The following UBE3D variants were observed in gnomAD, a reference collection of about 807,000 sequenced individuals.
UBE3D encodes the protein E3 ubiquitin-protein ligase E3D.
A neutral mutation model predicts 49.6 loss-of-function variants in UBE3D; 48 were observed. The observed-to-expected ratio is 0.97, with a 90% CI of 0.77 to 1.23. UBE3D has a LOEUF of 1.23. Among genes scored for constraint, UBE3D ranks in the 50% most tolerant of loss-of-function variants. UBE3D has a pLI of 0.00. For synonymous variants in UBE3D, 189 were observed against 174.2 expected, an observed-to-expected ratio of 1.08 and a Z score of -0.67; for missense variants, 452 against 468.4, an observed-to-expected ratio of 0.96 and a Z score of 0.32.
chr6:82,958,649 G>C (rs1776334676), intron 8 of UBE3D, among the ~76,000 whole-genome samples: 1 of 152,198 alleles, frequency 6.6e-6, no homozygotes, highest in Admixed American at 6.5e-5. Context: ...CAACTAGTTG[G>C]ACTGGAATAA....
At chr6:82,990,478 A>C (rs890684605) in intron 8 of UBE3D, among the ~76,000 whole-genome samples, 1 of 151,986 alleles carries the variant, frequency 6.6e-6, no homozygotes, top group African/African-American at 2.4e-5. Context: ...CGGTTTCACC[A>C]TGTTGGACAG....
chr6:83,065,721 CA>C lies in UBE3D; in HGVS notation c.-4del, dbSNP rs777020213. ...GTCTCCGCCGCAGAAGCCGCCATGG[CA>C]GGCTTCCAGTCCCAGACCGGACCAA... On this transcript the variant is annotated 5_prime_UTR_variant, in exon 1 of 10. Coordinates refer to ENST00000369747, the MANE Select transcript of UBE3D (RefSeq NM_198920.3). 21 of 1,609,978 alleles carry C rather than the reference CA, an allele frequency of 1.3e-5. No homozygotes were observed. The East Asian group carries it at 4.3e-4, about 33-fold the overall frequency.
At chr6:82,942,134 T>C (rs993117375) in intron 9 of UBE3D, among the ~76,000 whole-genome samples, 1 of 152,128 alleles carries the variant, frequency 6.6e-6, no homozygotes, top group Admixed American at 6.5e-5. Flanking sequence ...GATAGTGATA[T>C]GAAGAATGAA....
intron 1 of UBE3D, chr6:83,063,075 T>C: frequency 5.2e-6 from 1 of 191,582 alleles, no homozygotes; most frequent in Non-Finnish European, 1.1e-5. Context: ...AACGATAGAG[T>C]GGACTTCATT....
chr6:82,913,928 G>T (rs1772717398), intron 9 of UBE3D, among the ~76,000 whole-genome samples: 1 of 152,190 alleles, frequency 6.6e-6, no homozygotes, highest in Admixed American at 6.5e-5. Context: ...AACAGCATAT[G>T]GTTGGTCATA....
At chr6:82,917,262 A>T (rs900593660) in intron 9 of UBE3D, among the ~76,000 whole-genome samples, 2 of 152,188 alleles carry the variant, frequency 1.3e-5, no homozygotes, top group African/African-American at 4.8e-5. Flanking sequence ...AGACTAGCGC[A>T]AATGTTAGGA....
intron 5 of UBE3D, among the ~76,000 whole-genome samples, chr6:83,032,702 G>T (rs895986368): frequency 1.3e-5 from 2 of 152,096 alleles, no homozygotes; most frequent in South Asian, 2.1e-4. Flanking sequence ...ATCTTGAATT[G>T]TTGCTCCCAT....
Position 82,892,882 on chromosome 6 carries a change from TA to T in UBE3D, c.*139del. The stretch of plus-strand genomic sequence containing the variant: ...GAGAATACATGCAAACAAGTAAACT[TA>T]AAACTTCAATGCAATGCTCTTATCC... On this transcript the variant is annotated 3_prime_UTR_variant, in exon 10 of 10. Transcript: ENST00000369747. The T allele has an allele frequency of 9.8e-7, 1 of 1,019,534 alleles. No homozygotes were observed. The highest frequency in any genetic ancestry group is 1.5e-6 in the Non-Finnish European group (1 of 654,770). The allele number at this position is 1,019,534 out of a possible 1,614,324, so 63.2% of individuals were successfully genotyped here. A position where few individuals can be genotyped will look rare whatever the true frequency, so the allele number is the denominator to read the frequency against.
chr6:82,895,035 C>T (rs535049631), intron 9 of UBE3D, among the ~76,000 whole-genome samples: 1 of 152,260 alleles, frequency 6.6e-6, no homozygotes, highest in South Asian at 2.1e-4. Flanking sequence ...GAGGCCGGCA[C>T]AGTGGCTCAC....
intron 9 of UBE3D, among the ~76,000 whole-genome samples, chr6:82,923,652 C>T (rs1353099078): frequency 1.3e-5 from 2 of 152,058 alleles, no homozygotes; most frequent in African/African-American, 4.8e-5. Flanking sequence ...CACCATGGCA[C>T]GTGTATACCT....
chr6:82,957,052 C>T (rs1046928030), intron 9 of UBE3D, among the ~76,000 whole-genome samples: 2 of 152,196 alleles, frequency 1.3e-5, no homozygotes, highest in Middle Eastern at 3.4e-3. Flanking sequence ...TTGCTTAAAC[C>T]TGGGAGGCGG....
At chr6:82,916,785 A>G (rs1772946380) in intron 9 of UBE3D, among the ~76,000 whole-genome samples, 1 of 152,228 alleles carries the variant, frequency 6.6e-6, no homozygotes, top group South Asian at 2.1e-4. Context: ...AGCTGAAGGT[A>G]CAATCACTTT....
rs80080602 is a variant in UBE3D at position 83,043,997 on chromosome 6, G to T, written c.597+431C>A. Among the ~76,000 whole-genome samples, 6 of 152,270 alleles carry T rather than the reference G, an allele frequency of 3.9e-5. No homozygotes were observed. In the East Asian group the frequency reaches 1.2e-3, roughly 29 times the overall value. ...TTTACTTGATGACATCTCCATTTAT[G>T]ACTTCAGCAGAAGTCTAGACTATGG... On this transcript the variant is annotated intron_variant, in intron 4 of 9. Coordinates refer to ENST00000369747, the MANE Select transcript of UBE3D (RefSeq NM_198920.3).
At chr6:83,058,148 GA>G in intron 1 of UBE3D, 126 bp from the exon 2 acceptor site, 2 of 885,948 alleles carry the variant, frequency 2.3e-6, no homozygotes, top group Non-Finnish European at 1.7e-6. Flanking sequence ...CACTGCCCCA[GA>G]AAAACAGCAG....
At chr6:83,007,312 C>G (rs1181160097) in intron 8 of UBE3D, among the ~76,000 whole-genome samples, 2 of 152,094 alleles carry the variant, frequency 1.3e-5, no homozygotes, top group Non-Finnish European at 2.9e-5. Flanking sequence ...TTTCCACATT[C>G]CTAAGTTAGA....
At chr6:83,054,054 A>T (rs1042162502) in intron 3 of UBE3D, 94 bp downstream of exon 3, 53 of 1,050,574 alleles carry the variant, frequency 5.0e-5, no homozygotes, top group Non-Finnish European at 7.1e-5. Context: ...AAGGCCATAT[A>T]CTACTCCATT....
chr6:82,920,330 A>G (rs541342142), intron 9 of UBE3D, among the ~76,000 whole-genome samples: 9 of 152,356 alleles, frequency 5.9e-5, no homozygotes, highest in Admixed American at 1.3e-4. Flanking sequence ...AGAGGACAAA[A>G]AGTAGTAAGA....
intron 8 of UBE3D, among the ~76,000 whole-genome samples, chr6:82,966,989 TA>T (rs1776984049): frequency 6.6e-6 from 1 of 152,202 alleles, no homozygotes; most frequent in South Asian, 2.1e-4. Context: ...TTCACCACCT[TA>T]AAAATATTTT....
chr6:82,965,601 A>AG (rs574367801), intron 8 of UBE3D, among the ~76,000 whole-genome samples: 28 of 150,694 alleles, frequency 1.9e-4, no homozygotes, highest in Non-Finnish European at 3.3e-4. Flanking sequence ...AAAAAAAAAA[A>AG]AAGAAGAAGA....
Sources: gnomAD v4.1 joint callset for allele counts (sites outside exome capture counted in the v4.1 genomes callset) on GRCh38, gnomAD v4.1.1 for gene constraint, MANE v1.5 for transcripts, NCBI Gene and HGNC (gene_info 2026-07-23, HGNC 2026-07-21) for gene names.